Variants in PDS5B observed in about 807,000 individuals in gnomAD.
The protein encoded by PDS5B is sister chromatid cohesion protein PDS5 homolog B.
Under a neutral mutation model 184.1 loss-of-function variants are expected in PDS5B, and 51 were observed. The ratio of observed to expected loss-of-function variants is 0.28; its 90% CI spans 0.22 to 0.35. The LOEUF is 0.35. Ranked by LOEUF, PDS5B falls within the 10% of genes least tolerant of loss-of-function variation. PDS5B has a pLI of 1.00. For missense variants in PDS5B, 1,180 were observed against 1,723.3 expected, an observed-to-expected ratio of 0.68 and a Z score of 5.58; for synonymous variants, 566 against 569.2, an observed-to-expected ratio of 0.99 and a Z score of 0.08.
chr13:32,773,182 A>C lies in PDS5B; in HGVS notation c.4173-7A>C. 6.3e-7 allele frequency: 1 copy of C among 1,595,918 alleles called. No individual in the cohort carries two copies. Among genetic ancestry groups the C allele is most frequent in the Non-Finnish European group, 8.5e-7 (1 of 1,174,204 alleles). On this transcript the variant is annotated splice_region_variant and splice_polypyrimidine_tract_variant and intron_variant, in intron 33 of 34. Transcript: ENST00000315596. ...GTTCATTGTGTTTTACATGTGTTTT[A>C]CTCTAGCCGTGTAGGACGCTCCAAA...
intron 1 of PDS5B, among the ~76,000 whole-genome samples, chr13:32,647,446 T>C (rs955900686): frequency 3.3e-5 from 5 of 152,098 alleles, no homozygotes; most frequent in African/African-American, 1.2e-4. Flanking sequence ...GATTTTTGTA[T>C]TTTTTGTAGA....
In PDS5B at chr13:32,617,315, G is replaced by C. The variant is rs114998469; in HGVS notation, c.-20+30722G>C. Among the ~76,000 whole-genome samples the C allele has an allele frequency of 5.4e-3, 827 of 152,260 alleles. 4 individuals carry two copies. The highest frequency in any genetic ancestry group is 0.017 in the South Asian group (83 of 4,824). ...TAGTACTTCCCTAAATTTTATTGTA[G>C]TTACATTATCAGAGAGAGAGGTGTA... On this transcript the variant is annotated intron_variant, in intron 1 of 34. Transcript: ENST00000315596.
intron 13 of PDS5B, among the ~76,000 whole-genome samples, chr13:32,693,838 CT>C (rs1465538927): frequency 6.6e-6 from 1 of 151,530 alleles, no homozygotes; most frequent in Non-Finnish European, 1.5e-5. Context: ...TAATTCCAGA[CT>C]GTTTACAATT....
intron 17 of PDS5B, among the ~76,000 whole-genome samples, chr13:32,703,506 TTAAC>T (rs1467306941): frequency 6.6e-6 from 1 of 152,200 alleles, no homozygotes; most frequent in Non-Finnish European, 1.5e-5. Context: ...AATTTATGTT[TTAAC>T]TAACTTCTTT....
chr13:32,720,611 T>A (rs1952637666), intron 19 of PDS5B, among the ~76,000 whole-genome samples: 1 of 151,372 alleles, frequency 6.6e-6, no homozygotes, highest in Non-Finnish European at 1.5e-5. Context: ...TATTTTTTAT[T>A]TTTATTTATT....
rs1272026630 is a variant in PDS5B at position 32,605,389 on chromosome 13, A to G, written c.-20+18796A>G. On this transcript the variant is annotated intron_variant, in intron 1 of 34. Transcript: ENST00000315596. ...CCATGTAGTTGAGTGGTTTTGAGTG[A>G]GTTTCTTAATCCTGAGTTCCAGCTT... 4.6e-5 allele frequency among the ~76,000 whole-genome samples: 7 copies of G among 152,138 alleles called. No individual in the cohort carries two copies. The East Asian group carries it at 1.2e-3, about 25-fold the overall frequency.
At chr13:32,723,972 A>C (rs1235383646) in intron 19 of PDS5B, among the ~76,000 whole-genome samples, 1 of 152,070 alleles carries the variant, frequency 6.6e-6, no homozygotes, top group Non-Finnish European at 1.5e-5. Context: ...AGCCAGCTTT[A>C]TTTTTTCTGT....
intron 30 of PDS5B, among the ~76,000 whole-genome samples, chr13:32,762,823 T>G (rs376599489): frequency 5.9e-5 from 9 of 152,302 alleles, no homozygotes; most frequent in African/African-American, 2.2e-4. Context: ...TCCTCTCAAT[T>G]GTGTATATTG....
intron 30 of PDS5B, chr13:32,763,339 A>G (rs1413384583): frequency 6.5e-6 from 1 of 152,770 alleles, no homozygotes; most frequent in Non-Finnish European, 1.5e-5. Context: ...AGGAGCTAGA[A>G]TTGAGGTAGA....
rs1951721905 is a variant in PDS5B at position 32,696,861 on chromosome 13, C to T, written c.1559C>T (p.Ala520Val). ...TTTTTGTGTGATTTACAGACAGATG[C>T]CAGTGTCAAGGCCATATTTTCAAAA... ...LDLIKQPKTD[A>V]SVKAIFSKVM... Residue 520 changes from alanine (A) to valine (V), a missense_variant, in exon 15 of 35, where the codon GCC becomes GTC. Coordinates refer to ENST00000315596, the MANE Select transcript of PDS5B (RefSeq NM_015032.4). 3.1e-6 allele frequency: 5 copies of T among 1,596,496 alleles called. No homozygotes were observed. Among genetic ancestry groups the T allele is most frequent in the Admixed American group, 3.4e-5 (2 of 58,636 alleles).
intron 6 of PDS5B, among the ~76,000 whole-genome samples, chr13:32,661,397 A>AAAAAC (rs1950641050): frequency 6.7e-6 from 1 of 149,976 alleles, no homozygotes; most frequent in Admixed American, 6.6e-5. Flanking sequence ...AAAAAAAAAA[A>AAAAAC]AAAAAAAAAA....
At chr13:32,698,899 C>A (rs1250403170) in intron 15 of PDS5B, among the ~76,000 whole-genome samples, 1 of 152,070 alleles carries the variant, frequency 6.6e-6, no homozygotes, top group Non-Finnish European at 1.5e-5. Flanking sequence ...ATTACAGTCA[C>A]CTGCCACCAC....
intron 30 of PDS5B, chr13:32,763,349 A>T (rs943006018): frequency 2.6e-5 from 4 of 152,838 alleles, no homozygotes; most frequent in African/African-American, 9.7e-5. Context: ...ATTGAGGTAG[A>T]AAAAGCAATT....
At chr13:32,700,059 T>C (rs544847554) in intron 16 of PDS5B, among the ~76,000 whole-genome samples, 190 bp downstream of exon 16, 2 of 152,284 alleles carry the variant, frequency 1.3e-5, no homozygotes, top group South Asian at 4.1e-4. Flanking sequence ...AAATGAGATA[T>C]TATACATACA....
intron 22 of PDS5B, among the ~76,000 whole-genome samples, chr13:32,741,350 T>A (rs555526628): frequency 6.6e-6 from 1 of 152,230 alleles, no homozygotes; most frequent in African/African-American, 2.4e-5. Context: ...ATAATCTAAT[T>A]TGAGGAGAAA....
At chr13:32,623,363 T>A (rs2058327693) in intron 1 of PDS5B, among the ~76,000 whole-genome samples, 1 of 152,198 alleles carries the variant, frequency 6.6e-6, no homozygotes, top group Non-Finnish European at 1.5e-5. Flanking sequence ...TGTTTATCCT[T>A]ATATCTTAGT....
chr13:32,610,815 G>A (rs574378629), intron 1 of PDS5B, among the ~76,000 whole-genome samples: 20 of 152,178 alleles, frequency 1.3e-4, no homozygotes, highest in African/African-American at 4.6e-4. Flanking sequence ...TTCTTGGTGA[G>A]GATGAAATGA....
At chr13:32,728,954 GT>G (rs969032456) in intron 19 of PDS5B, among the ~76,000 whole-genome samples, 2 of 152,128 alleles carry the variant, frequency 1.3e-5, no homozygotes, top group African/African-American at 4.8e-5. Flanking sequence ...TAAACGTTGA[GT>G]TCTGAGATAC....
intron 25 of PDS5B, 70 bp from the exon 26 acceptor site, chr13:32,755,772 T>TTTTTG (rs1954152645): frequency 5.5e-6 from 4 of 723,108 alleles, no homozygotes; most frequent in Non-Finnish European, 9.2e-6. Flanking sequence ...AACCTGGATA[T>TTTTTG]TTTTGTTTTG....
Sources: gnomAD v4.1 joint callset for allele counts (sites outside exome capture counted in the v4.1 genomes callset) on GRCh38, gnomAD v4.1.1 for gene constraint, MANE v1.5 for transcripts, NCBI Gene and HGNC (gene_info 2026-07-23, HGNC 2026-07-21) for gene names.